The following ANK3 variants were observed in gnomAD, a reference collection of about 807,000 sequenced individuals.
ANK3 encodes the protein ankyrin 3.
ANK3 carries 57 observed loss-of-function variants against 370.9 expected under a neutral mutation model. The observed-to-expected ratio is 0.15, with a 90% confidence interval of 0.12 to 0.19. ANK3 has a LOEUF of 0.19. ANK3 is among the 10% of genes least tolerant of loss of function. The pLI, the probability that ANK3 is intolerant of heterozygous loss-of-function variation, is 1.00. For missense variants in ANK3, 4,439 were observed against 5,302.1 expected (o/e 0.84, Z 5.06); for synonymous variants, 1,929 against 1,946.3 (o/e 0.99, Z 0.23).
chr10:60,459,536 TA>T (rs977374351), intron 2 of ANK3, among the ~76,000 whole-genome samples: 1 of 152,174 alleles, frequency 6.6e-6, no homozygotes, highest in African/African-American at 2.4e-5. Flanking sequence ...AACCCTCTTC[TA>T]CTTTATTAAG....
intron 1 of ANK3, among the ~76,000 whole-genome samples, chr10:60,315,576 C>T (rs992602770): frequency 6.6e-6 from 1 of 152,110 alleles, no homozygotes; most frequent in Non-Finnish European, 1.5e-5. Context: ...AAAATACTAA[C>T]AATTAAAATG....
intron 2 of ANK3, among the ~76,000 whole-genome samples, chr10:60,560,979 T>C (rs1488339763): frequency 6.6e-6 from 1 of 152,186 alleles, no homozygotes; most frequent in African/African-American, 2.4e-5. Flanking sequence ...TATGAAAATA[T>C]TCCAAAGAGA....
chr10:60,689,948 G>T (rs1313771774), intron 1 of ANK3, among the ~76,000 whole-genome samples: 1 of 152,092 alleles, frequency 6.6e-6, no homozygotes. Context: ...ATTCTTTATG[G>T]ATGCAAACAT....
intron 2 of ANK3, among the ~76,000 whole-genome samples, chr10:60,581,321 C>A (rs1022909447): frequency 2.0e-5 from 3 of 151,800 alleles, no homozygotes; most frequent in African/African-American, 7.3e-5. Flanking sequence ...TCATAATGTG[C>A]ATTTATCTGA....
At chr10:60,638,178 T>G (rs561415621) in intron 1 of ANK3, among the ~76,000 whole-genome samples, 2 of 152,146 alleles carry the variant, frequency 1.3e-5, no homozygotes, top group African/African-American at 2.4e-5. Context: ...CTCCATGAGG[T>G]AGAAGAAAGA....
rs890830485 is a variant in ANK3, at chr10:60,043,279, G to A, written c.13066-520C>T. 7 of 985,266 alleles carry A rather than the reference G, an allele frequency of 7.1e-6. No homozygotes were observed. The South Asian group carries it at 1.4e-4, about 20-fold the overall frequency. The allele number at this position is 985,266 out of a possible 1,614,324, so 61.0% of individuals were successfully genotyped here. A position where few individuals can be genotyped will look rare whatever the true frequency, so the allele number is the denominator to read the frequency against. ...CTGAGCATCAGGAATACAGTTCCCC[G>A]AGAGCAAGGTTGTGGCACAAATACT... is the stretch of plus-strand genomic sequence containing the variant. On this transcript the variant is annotated intron_variant, in intron 42 of 43. Coordinates refer to ENST00000280772, the MANE Select transcript of ANK3 (RefSeq NM_020987.5).
In ANK3 at chr10:60,127,919, G is replaced by A. The variant is rs183861986; in HGVS notation, c.2841+6352C>T. 2.4e-3 allele frequency among the ~76,000 whole-genome samples: 361 copies of A among 152,004 alleles called. 11 individuals carry two copies. In the South Asian group the frequency reaches 0.035, roughly 15 times the overall value. On this transcript the variant is annotated intron_variant, in intron 25 of 43. Coordinates refer to ENST00000280772, the MANE Select transcript of ANK3 (RefSeq NM_020987.5). ...TCACCGTGTTAGCCAGGATGGTCTC[G>A]ATCTCCTTACCTCGTGATCTGCCCA...
intron 18 of ANK3, among the ~76,000 whole-genome samples, chr10:60,179,392 G>A (rs374080337): frequency 3.3e-5 from 5 of 152,262 alleles, no homozygotes; most frequent in South Asian, 2.1e-4. Context: ...GATATCATAC[G>A]GGGTACAAAA....
At chr10:60,301,148 ATC>A (rs1407359127) in intron 1 of ANK3, among the ~76,000 whole-genome samples, 2 of 144,196 alleles carry the variant, frequency 1.4e-5, no homozygotes, top group African/African-American at 5.2e-5. Context: ...ATATATATGT[ATC>A]TGTGTGTGTA....
chr10:60,281,414 G>A (rs368943233), intron 1 of ANK3, among the ~76,000 whole-genome samples: 6 of 152,318 alleles, frequency 3.9e-5, no homozygotes, highest in African/African-American at 1.4e-4. Flanking sequence ...GTCCCTTGGG[G>A]GAGGGGGCAA....
chr10:60,498,496 C>T (rs1400982124), intron 2 of ANK3, among the ~76,000 whole-genome samples: 1 of 152,148 alleles, frequency 6.6e-6, no homozygotes, highest in East Asian at 1.9e-4. Context: ...CAAAGCAATC[C>T]TCCTGTCTCA....
Position 60,265,572 on chromosome 10 carries a change from A to AT in ANK3, c.514-1553dup, listed in dbSNP as rs34322676. ...TTCATTATTATATACTCAAAAGGGC[A>AT]TTTTTTTTTTAACTAGAGAACTGGC... On this transcript the variant is annotated intron_variant, in intron 5 of 43. Transcript: ENST00000280772. Among the ~76,000 whole-genome samples the AT allele has an allele frequency of 3.2e-3, 481 of 149,928 alleles. 1 individual carries two copies. Among genetic ancestry groups the AT allele is most frequent in the Admixed American group, 5.6e-3 (84 of 14,982 alleles).
intron 1 of ANK3, among the ~76,000 whole-genome samples, chr10:60,681,462 A>G (rs1007420212): frequency 6.6e-6 from 1 of 152,136 alleles, no homozygotes; most frequent in African/African-American, 2.4e-5. Context: ...TAGATTTTGC[A>G]AACATCATTT....
chr10:60,154,228 C>A (rs2095253306), intron 23 of ANK3, among the ~76,000 whole-genome samples: 1 of 152,190 alleles, frequency 6.6e-6, no homozygotes, highest in African/African-American at 2.4e-5. Context: ...ATTTCTGAAG[C>A]TGCTAAGAAC....
intron 8 of ANK3, among the ~76,000 whole-genome samples, chr10:60,215,532 TG>T (rs1279189565): frequency 1.2e-4 from 19 of 152,306 alleles, no homozygotes; most frequent in African/African-American, 3.8e-4. Flanking sequence ...AGCTAATTTT[TG>T]TATTAGATGT....
At chr10:60,103,501 C>G (rs10994200) in intron 28 of ANK3, among the ~76,000 whole-genome samples, 107,860 of 151,602 alleles carry the variant, frequency 0.71, 39,250 homozygotes, top group East Asian at 0.93. Flanking sequence ...TTTTTTTTGG[C>G]TGGTCTGCTT....
chr10:60,700,130 T>C (rs2079526868), intron 1 of ANK3, among the ~76,000 whole-genome samples: 1 of 152,118 alleles, frequency 6.6e-6, no homozygotes, highest in African/African-American at 2.4e-5. Flanking sequence ...TTGCTTTTAG[T>C]GGGCTAGGGT....
chr10:60,216,631 G>A (rs898708095), intron 8 of ANK3, among the ~76,000 whole-genome samples: 7 of 152,146 alleles, frequency 4.6e-5, no homozygotes, highest in African/African-American at 9.7e-5. Context: ...ACTCGTGGTA[G>A]GTAAGTTTTT....
chr10:60,638,967 A>G (rs1324630980), intron 1 of ANK3, among the ~76,000 whole-genome samples: 1 of 152,066 alleles, frequency 6.6e-6, no homozygotes, highest in Non-Finnish European at 1.5e-5. Context: ...TATTTGAAGA[A>G]GTTATGGCTG....
Sources: gnomAD v4.1 joint callset for allele counts (sites outside exome capture counted in the v4.1 genomes callset) on GRCh38, gnomAD v4.1.1 for gene constraint, MANE v1.5 for transcripts, NCBI Gene and HGNC (gene_info 2026-07-23, HGNC 2026-07-21) for gene names.